Variants in ADORA2B observed in about 807,000 individuals in gnomAD.
The protein encoded by ADORA2B is adenosine receptor A2b.
Under a neutral mutation model 20.8 loss-of-function variants are expected in ADORA2B, and 18 were observed. The observed-to-expected ratio is 0.87, with a 90% confidence interval of 0.60 to 1.29. The LOEUF is 1.29. Among genes scored for constraint, ADORA2B ranks in the 50% most tolerant of loss-of-function variants. The probability of loss-of-function intolerance (pLI) is 0.00; values close to 1 mark genes in which losing one functional copy is unlikely to be tolerated. For synonymous variants in ADORA2B, 179 were observed against 178.3 expected, an observed-to-expected ratio of 1.00 and a Z score of -0.03; for missense variants, 441 against 422.7, an observed-to-expected ratio of 1.04 and a Z score of -0.38.
chr17:15,946,027 T>G (rs1197728188), intron 1 of ADORA2B, among the ~76,000 whole-genome samples: 2 of 152,122 alleles, frequency 1.3e-5, no homozygotes, highest in African/African-American at 2.4e-5. Flanking sequence ...CCGTGAGTGC[T>G]GCGGCTCCCG....
the ADORA2B span, among the ~76,000 whole-genome samples, chr17:15,877,614 A>AAATTCGTT: frequency 2.0e-5 from 3 of 152,080 alleles, no homozygotes; most frequent in Admixed American, 2.0e-4. Context: ...CTCACCTTGT[A>AAATTCGTT]AATTCGTTTA....
intron 1 of ADORA2B, among the ~76,000 whole-genome samples, chr17:15,946,590 T>G (rs2535602): frequency 0.94 from 143,597 of 152,276 alleles, 68,085 homozygotes; most frequent in Non-Finnish European, 0.99. Context: ...AGGGAAGGAA[T>G]TCATTTATTG....
chr17:15,941,790 G>A (rs748488245), upstream of ADORA2B, among the ~76,000 whole-genome samples: 9 of 150,566 alleles, frequency 6.0e-5, no homozygotes, highest in African/African-American at 1.7e-4. Context: ...CTTCCTCCTC[G>A]TGTTTCCTGA....
At chr17:15,926,385 G>C in the ADORA2B span, among the ~76,000 whole-genome samples, 1 of 151,954 alleles carries the variant, frequency 6.6e-6, no homozygotes, top group Non-Finnish European at 1.5e-5. Context: ...CCAGAGAGAG[G>C]GGTGCTATTC....
intron 1 of ADORA2B, among the ~76,000 whole-genome samples, chr17:15,948,584 C>T (rs1480655230): frequency 6.6e-6 from 1 of 152,184 alleles, no homozygotes; most frequent in East Asian, 1.9e-4. Context: ...CATGCCACAC[C>T]CACTGTGGGG....
the ADORA2B span, among the ~76,000 whole-genome samples, chr17:15,864,885 C>T: frequency 1.3e-5 from 2 of 151,732 alleles, no homozygotes; most frequent in South Asian, 2.1e-4. Flanking sequence ...GTTTTCTTTG[C>T]GTGACTGTTA....
At chr17:15,869,339 A>AATT in the ADORA2B span, among the ~76,000 whole-genome samples, 303 of 143,796 alleles carry the variant, frequency 2.1e-3, 1 homozygote, top group East Asian at 0.012. Context: ...TAATAATAAT[A>AATT]ATTATTATTA....
At chr17:15,920,757 C>T in the ADORA2B span, among the ~76,000 whole-genome samples, 17 of 151,422 alleles carry the variant, frequency 1.1e-4, no homozygotes, top group African/African-American at 3.9e-4. Flanking sequence ...TTCCCCACCA[C>T]AAATTTTCAC....
chr17:15,916,431 A>G, the ADORA2B span, among the ~76,000 whole-genome samples: 269 of 150,836 alleles, frequency 1.8e-3, no homozygotes, highest in Non-Finnish European at 2.9e-3. Context: ...ATCTCCAACA[A>G]CTGAGCTCCT....
At chr17:15,969,376 A>C (rs1970160214) in intron 1 of ADORA2B, among the ~76,000 whole-genome samples, 2 of 151,932 alleles carry the variant, frequency 1.3e-5, no homozygotes, top group Admixed American at 1.3e-4. Context: ...ATCGCTTGAA[A>C]CCAGGAGGCA....
the ADORA2B span, among the ~76,000 whole-genome samples, chr17:15,895,396 A>G: frequency 1.3e-5 from 2 of 151,950 alleles, no homozygotes; most frequent in Non-Finnish European, 2.9e-5. Context: ...ATTCTGGGGG[A>G]AAGGTTGTAT....
the ADORA2B span, among the ~76,000 whole-genome samples, chr17:15,880,293 A>G: frequency 7.8e-6 from 1 of 127,534 alleles, no homozygotes; most frequent in Non-Finnish European, 1.7e-5. Context: ...TTCTAGCCCT[A>G]TCTTCTTGGT....
At chr17:15,907,849 G>A in the ADORA2B span, among the ~76,000 whole-genome samples, 1 of 152,264 alleles carries the variant, frequency 6.6e-6, no homozygotes, top group Non-Finnish European at 1.5e-5. Context: ...TGGTGGTGAC[G>A]AGGTGAGCGT....
intron 1 of ADORA2B, among the ~76,000 whole-genome samples, chr17:15,959,379 A>G (rs1248042981): frequency 6.6e-6 from 1 of 152,182 alleles, no homozygotes; most frequent in Non-Finnish European, 1.5e-5. Context: ...TTTAAGTTGC[A>G]TGACTAATAC....
chr17:15,921,610 G>A, the ADORA2B span, among the ~76,000 whole-genome samples: 1 of 152,166 alleles, frequency 6.6e-6, no homozygotes, highest in South Asian at 2.1e-4. Context: ...TTTTTTGGTA[G>A]TTTTATCAGC....
intron 1 of ADORA2B, among the ~76,000 whole-genome samples, chr17:15,968,037 T>G (rs1350105337): frequency 6.6e-6 from 1 of 152,136 alleles, no homozygotes; most frequent in Non-Finnish European, 1.5e-5. Flanking sequence ...TGAGTCACAA[T>G]CAAACAAGGT....
intron 1 of ADORA2B, among the ~76,000 whole-genome samples, chr17:15,957,066 T>C (rs889761866): frequency 9.2e-5 from 14 of 152,098 alleles, no homozygotes; most frequent in African/African-American, 2.4e-4. Flanking sequence ...CAAGATGATA[T>C]AGGGTAGCCA....
chr17:15,969,033 C>T (rs1035357557), intron 1 of ADORA2B, among the ~76,000 whole-genome samples: 1 of 152,348 alleles, frequency 6.6e-6, no homozygotes, highest in African/African-American at 2.4e-5. Flanking sequence ...CACCACTCAA[C>T]TGTCCCACTC....
At chr17:15,870,808 CAT>C in the ADORA2B span, among the ~76,000 whole-genome samples, 1 of 152,204 alleles carries the variant, frequency 6.6e-6, no homozygotes, top group South Asian at 2.1e-4. Context: ...ATTCAAAAAA[CAT>C]AAATCCTTTG....
Sources: gnomAD v4.1 joint callset for allele counts (sites outside exome capture counted in the v4.1 genomes callset) on GRCh38, gnomAD v4.1.1 for gene constraint, MANE v1.5 for transcripts, NCBI Gene and HGNC (gene_info 2026-07-23, HGNC 2026-07-21) for gene names.